Variants in THADA observed in about 807,000 individuals in gnomAD.
THADA encodes the protein THADA armadillo repeat containing.
A neutral mutation model predicts 219.8 loss-of-function variants in THADA; 213 were observed. The ratio of observed to expected loss-of-function variants is 0.97; its 90% confidence interval spans 0.87 to 1.09. The LOEUF (loss-of-function observed/expected upper bound fraction) is 1.09. Ranked by LOEUF, THADA falls within the 50% of genes least tolerant of loss-of-function variation. THADA has a pLI of 0.00. For synonymous variants in THADA, 1,018 were observed against 828.9 expected (o/e 1.23, Z -3.92); for missense variants, 2,956 against 2,311.3 (o/e 1.28, Z -5.72).
At chr2:43,486,447 T>G (rs1355215762) in intron 25 of THADA, 1 of 152,146 alleles carries the variant, frequency 6.6e-6, no homozygotes, top group Non-Finnish European at 1.5e-5. Flanking sequence ...CTTGCTACAG[T>G]GTGTAAGGCC....
chr2:43,400,484 T>TATATATATATATATATAC (rs1553427596), intron 28 of THADA, among the ~76,000 whole-genome samples: 1 of 145,928 alleles, frequency 6.9e-6, no homozygotes, highest in African/African-American at 2.5e-5. Flanking sequence ...TATAAATATA[T>TATATATATATATATATAC]ACACTAAGAA....
intron 20 of THADA, among the ~76,000 whole-genome samples, chr2:43,543,285 T>G (rs187545433): frequency 3.1e-4 from 41 of 132,394 alleles, no homozygotes; most frequent in African/African-American, 1.2e-3. Context: ...TGTTGGACAT[T>G]TGGGTTGCTT....
At chr2:43,499,226 T>C (rs879335933) in intron 24 of THADA, among the ~76,000 whole-genome samples, 1 of 152,146 alleles carries the variant, frequency 6.6e-6, no homozygotes, top group Non-Finnish European at 1.5e-5. Flanking sequence ...GACAACACAT[T>C]CTTTTCGAGC....
chr2:43,286,301 G>C (rs1368434719), intron 35 of THADA, among the ~76,000 whole-genome samples: 1 of 152,160 alleles, frequency 6.6e-6, no homozygotes, highest in East Asian at 1.9e-4. Flanking sequence ...CGTGCTAAAG[G>C]GTGTTTAGGC....
At chr2:43,294,573 C>A (rs1473863848) in intron 31 of THADA, among the ~76,000 whole-genome samples, 1 of 152,154 alleles carries the variant, frequency 6.6e-6, no homozygotes, top group Admixed American at 6.5e-5. Context: ...GCCTCCTAGA[C>A]AATGTGAAGC....
rs1294582341 is a variant in THADA at position 43,399,500 on chromosome 2, C to G, written c.4059-1361G>C. On this transcript the variant is annotated intron_variant, in intron 28 of 37. Transcript: ENST00000405975. ...TACAATTTCTGTACAAATAGAATAG[C>G]CTGAGCAGAATTTCATCATGGTGTT... Among the ~76,000 whole-genome samples, 4 of 152,056 alleles carry G rather than the reference C, an allele frequency of 2.6e-5. No individual in the cohort carries two copies. In the East Asian group the frequency reaches 7.7e-4, roughly 29 times the overall value.
chr2:43,583,805 G>A (rs771006285), intron 7 of THADA, among the ~76,000 whole-genome samples: 1 of 152,104 alleles, frequency 6.6e-6, no homozygotes, highest in Admixed American at 6.6e-5. Flanking sequence ...CACTTTGGGG[G>A]ACTGGGGCAG....
chr2:43,551,895 A>G lies in THADA; in HGVS notation c.2841T>C (p.Pro947=). 1.9e-6 allele frequency: 3 copies of G among 1,613,862 alleles called. No individual in the cohort carries two copies. Among genetic ancestry groups the G allele is most frequent in the Admixed American group, 3.3e-5 (2 of 59,972 alleles). Residue 947 remains proline (P), a synonymous_variant, in exon 19 of 38, where the codon CCT becomes CCC. Coordinates refer to ENST00000405975, the MANE Select transcript of THADA (RefSeq NM_022065.5). ...ACATCAAAAGGAGCTTCTCTACCACAGGTCTCCACTCGCTCACCAACTGCA... is the reference window on the plus strand; with the variant it reads ...ACATCAAAAGGAGCTTCTCTACCACGGGTCTCCACTCGCTCACCAACTGCA... ...NSLQLVSEWR[P]VVEKLLLMSY... is the part of the protein sequence containing the mutation.
chr2:43,524,758 G>A (rs1692945985), intron 22 of THADA, among the ~76,000 whole-genome samples: 1 of 152,162 alleles, frequency 6.6e-6, no homozygotes, highest in African/African-American at 2.4e-5. Context: ...CTAACAGGTT[G>A]GTTAAAAGCC....
intron 16 of THADA, among the ~76,000 whole-genome samples, chr2:43,559,136 G>C (rs17413525): frequency 6.6e-6 from 1 of 152,160 alleles, no homozygotes; most frequent in African/African-American, 2.4e-5. Flanking sequence ...AAGGTGAGGA[G>C]TGGCAGACAG....
At chr2:43,440,853 G>C (rs1481159000) in intron 26 of THADA, among the ~76,000 whole-genome samples, 2 of 152,148 alleles carry the variant, frequency 1.3e-5, no homozygotes, top group African/African-American at 4.8e-5. Flanking sequence ...TCTGAGAAAA[G>C]GGCAGTGGAG....
At chr2:43,405,512 A>G (rs534826711) in intron 28 of THADA, among the ~76,000 whole-genome samples, 20 of 152,286 alleles carry the variant, frequency 1.3e-4, no homozygotes, top group Non-Finnish European at 2.5e-4. Flanking sequence ...CCAATATTCC[A>G]TTCATCAAAG....
chr2:43,407,296 T>C (rs1327157370), intron 28 of THADA, among the ~76,000 whole-genome samples: 1 of 152,206 alleles, frequency 6.6e-6, no homozygotes, highest in African/African-American at 2.4e-5. Flanking sequence ...CATCTTATTT[T>C]TTAAACCCTA....
At chr2:43,320,177 G>C (rs1256474564) in intron 31 of THADA, among the ~76,000 whole-genome samples, 3 of 152,140 alleles carry the variant, frequency 2.0e-5, no homozygotes, top group Non-Finnish European at 4.4e-5. Flanking sequence ...AAAAAAGCCG[G>C]GGTCGTAGAT....
chr2:43,403,243 G>A (rs892941376), intron 28 of THADA, among the ~76,000 whole-genome samples: 10 of 152,266 alleles, frequency 6.6e-5, no homozygotes, highest in Non-Finnish European at 1.3e-4. Flanking sequence ...TGGAAAAGCC[G>A]AATGTTTCCA....
At chr2:43,268,683 C>T (rs573834986) in intron 36 of THADA, among the ~76,000 whole-genome samples, 8 of 152,302 alleles carry the variant, frequency 5.3e-5, no homozygotes, top group Admixed American at 6.5e-5. Context: ...GGGTCGCCAC[C>T]GTGGCCAGTG....
chr2:43,334,281 G>A (rs1666133997), intron 30 of THADA, among the ~76,000 whole-genome samples: 1 of 152,106 alleles, frequency 6.6e-6, no homozygotes, highest in Admixed American at 6.5e-5. Context: ...AGAAGCAGAC[G>A]AGGCACACAT....
intron 19 of THADA, among the ~76,000 whole-genome samples, chr2:43,549,748 A>G (rs879656343): frequency 2.0e-5 from 3 of 152,154 alleles, no homozygotes; most frequent in Non-Finnish European, 2.9e-5. Context: ...TCTCTATGAA[A>G]GAAAAATGAA....
At chr2:43,523,694 C>G (rs1392865434) in intron 22 of THADA, among the ~76,000 whole-genome samples, 3 of 152,052 alleles carry the variant, frequency 2.0e-5, no homozygotes, top group African/African-American at 7.2e-5. Flanking sequence ...TATTTAATGA[C>G]AAAAACTACT....
Sources: gnomAD v4.1 joint callset for allele counts (sites outside exome capture counted in the v4.1 genomes callset) on GRCh38, gnomAD v4.1.1 for gene constraint, MANE v1.5 for transcripts, NCBI Gene and HGNC (gene_info 2026-07-23, HGNC 2026-07-21) for gene names.